Variants in TACC3 observed in about 807,000 individuals in gnomAD.
TACC3 encodes transforming acidic coiled-coil-containing protein 3.
TACC3 carries 52 observed loss-of-function variants against 86.0 expected under a neutral mutation model. That is an observed-to-expected ratio of 0.60 (90% CI 0.48 to 0.76). The LOEUF (loss-of-function observed/expected upper bound fraction) is 0.76. Ranked by LOEUF, TACC3 falls within the 30% of genes least tolerant of loss-of-function variation. TACC3 has a pLI of 0.00. For missense variants in TACC3, 1,120 were observed against 1,070.4 expected (o/e 1.05, Z -0.65); for synonymous variants, 512 against 430.0 (o/e 1.19, Z -2.36).
In TACC3 at chr4:1,740,666, A is replaced by G. The variant is rs150299211; in HGVS notation, c.2063-160A>G. ...TTCCTGGGCTTTGCATCCGGCCTAG[A>G]AGATCCTGGGTGGAGGGACCCATCA... On this transcript the variant is annotated intron_variant, in intron 12 of 15. Coordinates refer to ENST00000313288, the MANE Select transcript of TACC3 (RefSeq NM_006342.3). 11 of 644,946 alleles carry G rather than the reference A, an allele frequency of 1.7e-5. No homozygotes were observed. In the African/African-American group the frequency reaches 1.8e-4, roughly 11 times the overall value. The allele number at this position is 644,946 out of a possible 1,614,324, so 40.0% of individuals were successfully genotyped here.
chr4:1,727,013 C>A (rs1023404986), intron 3 of TACC3, among the ~76,000 whole-genome samples: 44 of 152,080 alleles, frequency 2.9e-4, no homozygotes, highest in African/African-American at 8.7e-4. Flanking sequence ...CACCTGTAAT[C>A]CCAGCTACTT....
intron 12 of TACC3, 188 bp downstream of exon 12, chr4:1,740,190 AGGCTGGT>A (rs768023356): frequency 1.1e-5 from 7 of 622,860 alleles, no homozygotes; most frequent in East Asian, 8.2e-5. Flanking sequence ...GGTGGTAGTG[AGGCTGGT>A]GGCTCCCACG....
intron 12 of TACC3, chr4:1,740,524 T>C: frequency 2.9e-6 from 1 of 343,650 alleles, no homozygotes; most frequent in South Asian, 4.3e-5. Flanking sequence ...ATCCTGGAGC[T>C]CGCCATACCG....
At chr4:1,741,122 C>A in intron 13 of TACC3, 136 bp downstream of exon 13, 1 of 833,554 alleles carries the variant, frequency 1.2e-6, no homozygotes, top group Non-Finnish European at 1.9e-6. Flanking sequence ...CATGGGATGA[C>A]CTGTGAACGA....
In TACC3 at chr4:1,737,246, A is replaced by G. The variant is rs372228107; in HGVS notation, c.1754A>G (p.His585Arg). 2.2e-5 allele frequency: 35 copies of G among 1,614,004 alleles called. No homozygotes were observed. The African/African-American group carries it at 4.1e-4, about 19-fold the overall frequency. Residue 585 changes from histidine (H) to arginine (R), a missense_variant, in exon 9 of 16, where the codon CAC (histidine) becomes CGC (arginine). Coordinates refer to ENST00000313288, the MANE Select transcript of TACC3 (RefSeq NM_006342.3). ...VPVATETSSM[H>R]GANETPSGRP... ...CTGCCTCTGCTTGGTGGCAGCATGC[A>G]CGGTGCAAATGAGACTCCCTCAGGA...
Position 1,738,709 on chromosome 4 carries a change from G to A in TACC3, c.1942-993G>A, listed in dbSNP as rs59507568. ...GGGGTTCTTATTCCTGACACAGGTA[G>A]CCCTACTGCTGTGTTGTTCCCCTGT... is the stretch of plus-strand genomic sequence containing the variant. On this transcript the variant is annotated intron_variant, in intron 10 of 15. Transcript: ENST00000313288. Among the ~76,000 whole-genome samples, 740 of 152,342 alleles carry A rather than the reference G, an allele frequency of 4.9e-3. 10 individuals carry two copies. Among genetic ancestry groups the A allele is most frequent in the African/African-American group, 0.017 (697 of 41,572 alleles).
At chr4:1,730,617 C>T (rs1717956824) in intron 4 of TACC3, 1 of 608,502 alleles carries the variant, frequency 1.6e-6, no homozygotes, top group East Asian at 3.4e-5. Context: ...TTGTGATTCC[C>T]TTTGGCTGCA....
intron 10 of TACC3, chr4:1,739,499 C>T (rs961459314): frequency 5.1e-6 from 3 of 591,818 alleles, no homozygotes; most frequent in Non-Finnish European, 9.0e-6. Flanking sequence ...ATGCCTCCTG[C>T]CCCCTGGCAG....
chr4:1,740,779 G>A lies in TACC3; in HGVS notation c.2063-47G>A, dbSNP rs191211464. The stretch of plus-strand genomic sequence containing the variant: ...CCTTGGGCTGTCTCTGGCACCCATC[G>A]TTTCGGTTGCCTCCTCATCCTGAAC... On this transcript the variant is annotated intron_variant, in intron 12 of 15. Coordinates refer to ENST00000313288, the MANE Select transcript of TACC3 (RefSeq NM_006342.3). The A allele has an allele frequency of 5.1e-5, 79 of 1,562,326 alleles. No individual in the cohort carries two copies. In the African/African-American group the frequency reaches 7.4e-4, roughly 15 times the overall value.
rs577439720 is a variant in TACC3 at position 1,744,607 on chromosome 4, G to C, written c.2313G>C (p.Ala771=). The C allele has an allele frequency of 5.0e-6, 8 of 1,613,006 alleles. No individual in the cohort carries two copies. Among genetic ancestry groups the C allele is most frequent in the Non-Finnish European group, 6.8e-6 (8 of 1,179,984 alleles). ...GQRYQALKAH[A]EEKLQLANEE... ...GGTACCAAGCCCTGAAGGCCCACGC[G>C]GAGGAGAAGCTGCAGCTGTGAGTGC... The change falls in exon 14 of 16, where the codon GCG becomes GCC. Residue 771 remains alanine, a synonymous_variant. Coordinates refer to ENST00000313288, the MANE Select transcript of TACC3 (RefSeq NM_006342.3).
At position 1,723,588 on chromosome 4, in the gene TACC3, G is replaced by A. The variant is rs754020838; in HGVS notation, c.162+5G>A. ...AACCTGGCCAAAGCTATGAAGGTAA[G>A]TGTGACCTGTACAGTGTGTGGCTGG... is the stretch of plus-strand genomic sequence containing the variant. On this transcript the variant is annotated splice_donor_5th_base_variant and intron_variant, in intron 2 of 15. Transcript: ENST00000313288. The A allele has an allele frequency of 3.3e-5, 54 of 1,612,624 alleles. No individual in the cohort carries two copies. The highest frequency in any genetic ancestry group is 4.3e-5 in the Non-Finnish European group (51 of 1,179,356).
rs571169668 is a variant in TACC3, at chr4:1,739,614, C to T, written c.1942-88C>T. The stretch of plus-strand genomic sequence containing the variant: ...CTCTGGGACATTGCTCCAGGGACCT[C>T]GGGTGCGGGCTGGCCCCATCCTGTG... On this transcript the variant is annotated intron_variant, in intron 10 of 15. Coordinates refer to ENST00000313288, the MANE Select transcript of TACC3 (RefSeq NM_006342.3). 186 of 1,255,588 alleles carry T rather than the reference C, an allele frequency of 1.5e-4. 2 individuals are homozygous for T. The Middle Eastern group carries it at 1.9e-3, about 12-fold the overall frequency. The allele number at this position is 1,255,588 out of a possible 1,614,324, so 77.8% of individuals were successfully genotyped here. A position where few individuals can be genotyped will look rare whatever the true frequency, so the allele number is the denominator to read the frequency against.
intron 6 of TACC3, 67 bp downstream of exon 6, chr4:1,731,368 C>T: frequency 6.4e-7 from 1 of 1,565,806 alleles, no homozygotes; most frequent in Non-Finnish European, 8.7e-7. Context: ...ACTTGGGCAG[C>T]TCGAGACACC....
At chr4:1,730,078 A>G (rs1428730884) in intron 4 of TACC3, among the ~76,000 whole-genome samples, 1 of 152,176 alleles carries the variant, frequency 6.6e-6, no homozygotes, top group East Asian at 1.9e-4. Context: ...TCGCTCTGTC[A>G]CCCAGGCTGG....
At position 1,735,624 on chromosome 4, in the gene TACC3, T is replaced by C; in HGVS notation, c.1645-107T>C. 1 of 888,420 alleles carries C rather than the reference T, an allele frequency of 1.1e-6. No individual in the cohort carries two copies. The highest frequency in any genetic ancestry group is 1.8e-6 in the Non-Finnish European group (1 of 545,022). The allele number at this position is 888,420 out of a possible 1,614,324, so 55.0% of individuals were successfully genotyped here. A position where few individuals can be genotyped will look rare whatever the true frequency, so the allele number is the denominator to read the frequency against. ...TTGTGGGTGACCGGGGGTGGGAGTG[T>C]GCGGGTGACCGGGGGTGGGAGTGTG... On this transcript the variant is annotated intron_variant, in intron 7 of 15. Transcript: ENST00000313288. This position sits in a 1 kb window ranked among gnomAD's most constrained non-coding sequence, Gnocchi z 4.2.
intron 13 of TACC3, chr4:1,744,295 A>G (rs1439653708): frequency 7.3e-6 from 4 of 544,574 alleles, no homozygotes; most frequent in South Asian, 2.3e-5. Context: ...CACCAGGTTC[A>G]GGCCCGGCAT....
At position 1,739,988 on chromosome 4, in the gene TACC3, T is replaced by C. The variant is rs1487746822; in HGVS notation, c.2048T>C (p.Val683Ala). The C allele has an allele frequency of 2.5e-6, 4 of 1,612,970 alleles. No individual in the cohort carries two copies. The highest frequency in any genetic ancestry group is 3.4e-6 in the Non-Finnish European group (4 of 1,180,020). ...ATCATGGACAGGTTCGAAGAGGTTG[T>C]GTACCAGGCCATGGGTGAGTGCCCG... is the stretch of plus-strand genomic sequence containing the variant. ...GKIMDRFEEV[V>A]YQAMEEVQKQ... is the part of the protein sequence containing the mutation. The change falls in exon 12 of 16, where the codon GTG (valine) becomes GCG (alanine). Residue 683 changes from valine to alanine, a missense_variant. Physicochemically the swap from Val to Ala is moderately conservative, Grantham distance 64. Transcript: ENST00000313288.
chr4:1,727,934 C>A lies in TACC3; in HGVS notation c.532C>A (p.Pro178Thr), dbSNP rs199903841. The A allele has an allele frequency of 2.5e-6, 4 of 1,613,902 alleles. No individual in the cohort carries two copies. In the East Asian group the frequency reaches 8.9e-5, roughly 36 times the overall value. ...MVSPGKVSGS[P>T]EQAVEENLSS... is the part of the protein sequence containing the mutation. ...GTCTCCAGGAAAAGTGTCTGGCAGC[C>A]CTGAGCAAGCCGTGGAGGAAAACCT... Residue 178 changes from proline to threonine, a missense_variant, in exon 4 of 16, where the codon CCT (proline) becomes ACT (threonine). Coordinates refer to ENST00000313288, the MANE Select transcript of TACC3 (RefSeq NM_006342.3).
At chr4:1,736,177 A>G (rs967782830) in intron 8 of TACC3, among the ~76,000 whole-genome samples, 1 of 152,096 alleles carries the variant, frequency 6.6e-6, no homozygotes, top group Non-Finnish European at 1.5e-5. Flanking sequence ...TAATCCCAGC[A>G]CTTTGGGAGG....
Sources: gnomAD v4.1 joint callset for allele counts (sites outside exome capture counted in the v4.1 genomes callset) on GRCh38, gnomAD v4.1.1 for gene constraint, Gnocchi (gnomAD v3.1) non-coding constraint, MANE v1.5 for transcripts, NCBI Gene and HGNC (gene_info 2026-07-23, HGNC 2026-07-21) for gene names.